OSTC: variants seen among roughly 807,000 people sequenced by gnomAD.
OSTC encodes oligosaccharyltransferase complex subunit OSTC.
In OSTC, 16 loss-of-function variants were observed where a neutral mutation model predicts 16.4. That is an observed-to-expected ratio of 0.98 (90% CI 0.66 to 1.49). The LOEUF (loss-of-function observed/expected upper bound fraction) is 1.49. OSTC is among the 40% of genes most tolerant of loss of function. The pLI is 0.00. For missense variants in OSTC, 139 were observed against 186.3 expected (o/e 0.75, Z 1.48); for synonymous variants, 67 against 68.5 (o/e 0.98, Z 0.11).
chr4:108,654,836 C>T lies in OSTC; in HGVS notation c.140-728C>T, dbSNP rs1024726703. 3.3e-5 allele frequency among the ~76,000 whole-genome samples: 5 copies of T among 152,296 alleles called. No homozygotes were observed. In the South Asian group the frequency reaches 6.2e-4, roughly 19 times the overall value. On this transcript the variant is annotated intron_variant, in intron 1 of 3. Transcript: ENST00000361564. The stretch of plus-strand genomic sequence containing the variant: ...CTAGTATTGCCATTCTGCCTGATGG[C>T]GTGGTTTTAAAATGTCTCCTTGTTT...
chr4:108,663,203 A>G (rs773747200), intron 3 of OSTC: 1 of 455,918 alleles, frequency 2.2e-6, no homozygotes, highest in South Asian at 1.5e-5. Flanking sequence ...TGAATAAACC[A>G]TTACTGTTTT....
chr4:108,664,729 G>T (rs2110388550), intron 3 of OSTC, among the ~76,000 whole-genome samples: 1 of 151,962 alleles, frequency 6.6e-6, no homozygotes, highest in South Asian at 2.1e-4. Context: ...GAGTAGCTGG[G>T]ACTACAGGCA....
chr4:108,654,326 A>G (rs1395776786), intron 1 of OSTC, among the ~76,000 whole-genome samples: 1 of 152,236 alleles, frequency 6.6e-6, no homozygotes. Flanking sequence ...TCAGAAAGCA[A>G]AGATAGAAAT....
At chr4:108,661,429 T>C (rs1726855069) in intron 3 of OSTC, among the ~76,000 whole-genome samples, 1 of 152,296 alleles carries the variant, frequency 6.6e-6, no homozygotes, top group East Asian at 1.9e-4. Flanking sequence ...GTATGTTCAC[T>C]GCATTTTAAA....
chr4:108,663,777 C>G (rs999170640), intron 3 of OSTC, among the ~76,000 whole-genome samples: 14 of 152,144 alleles, frequency 9.2e-5, no homozygotes, highest in Non-Finnish European at 1.8e-4. Flanking sequence ...TCTATTAGTG[C>G]TAACCTAGCA....
chr4:108,664,359 C>T (rs969843390), intron 3 of OSTC, among the ~76,000 whole-genome samples: 3 of 152,064 alleles, frequency 2.0e-5, no homozygotes, highest in African/African-American at 7.2e-5. Context: ...AGAAGTTACT[C>T]CTAATGAGTC....
At chr4:108,654,525 AAAG>A (rs1288459947) in intron 1 of OSTC, among the ~76,000 whole-genome samples, 1 of 152,212 alleles carries the variant, frequency 6.6e-6, no homozygotes, top group African/African-American at 2.4e-5. Flanking sequence ...TTGTAGCTGG[AAAG>A]AAGGAGGTGA....
At chr4:108,662,025 A>G (rs1211310783) in intron 3 of OSTC, among the ~76,000 whole-genome samples, 2 of 152,242 alleles carry the variant, frequency 1.3e-5, no homozygotes, top group African/African-American at 2.4e-5. Flanking sequence ...CAAGTCTGTT[A>G]TAAAGCTGTA....
chr4:108,657,016 G>A (rs1004594342), intron 2 of OSTC, among the ~76,000 whole-genome samples: 3 of 150,934 alleles, frequency 2.0e-5, no homozygotes, highest in East Asian at 1.9e-4. Context: ...GCAGTGAGCC[G>A]AGATCGTGCC....
At chr4:108,656,903 T>A (rs553919493) in intron 2 of OSTC, among the ~76,000 whole-genome samples, 1 of 152,138 alleles carries the variant, frequency 6.6e-6, no homozygotes, top group African/African-American at 2.4e-5. Context: ...ATTGGGACTA[T>A]CCTGGCTAAC....
At chr4:108,661,985 GA>G (rs2110386813) in intron 3 of OSTC, among the ~76,000 whole-genome samples, 1 of 152,310 alleles carries the variant, frequency 6.6e-6, no homozygotes, top group South Asian at 2.1e-4. Flanking sequence ...TGTTCAATTG[GA>G]GATGGAGGGA....
chr4:108,650,882 C>CG, intron 1 of OSTC, 88 bp downstream of exon 1: 11 of 1,577,862 alleles, frequency 7.0e-6, no homozygotes, highest in Non-Finnish European at 9.5e-6. Context: ...CTCTCAGCCC[C>CG]GGGGGAAGCA....
chr4:108,650,601 G>C lies in OSTC; in HGVS notation c.-55G>C. 6.2e-7 allele frequency: 1 copy of C among 1,604,156 alleles called. No individual in the cohort carries two copies. Among genetic ancestry groups the C allele is most frequent in the South Asian group, 1.1e-5 (1 of 90,170 alleles). ...CGCACTTGTTAGGGAGGGCGGGCCT[G>C]TTTCCGGGAGGCGCGTGGGGCTTGA... is the stretch of plus-strand genomic sequence containing the variant. On this transcript the variant is annotated 5_prime_UTR_variant, in exon 1 of 4. Coordinates refer to ENST00000361564, the MANE Select transcript of OSTC (RefSeq NM_021227.4).
chr4:108,658,813 T>C (rs1459388483), intron 3 of OSTC, among the ~76,000 whole-genome samples: 3 of 152,024 alleles, frequency 2.0e-5, no homozygotes, highest in Non-Finnish European at 2.9e-5. Context: ...CCATTGTCTG[T>C]AACACACCTG....
chr4:108,663,435 C>T (rs935945700), intron 3 of OSTC: 21 of 311,096 alleles, frequency 6.8e-5, no homozygotes, highest in Non-Finnish European at 1.1e-4. Context: ...GATCTCCTAA[C>T]CTCGTGATCC....
At chr4:108,667,146 TATATC>T (rs1439378269) in intron 3 of OSTC, 96 bp from the exon 4 acceptor site, 13 of 867,884 alleles carry the variant, frequency 1.5e-5, no homozygotes, top group Admixed American at 1.5e-4. Flanking sequence ...TGTTATTTGA[TATATC>T]ATAAAATTTG....
At chr4:108,657,161 T>C (rs767611955) in intron 2 of OSTC, among the ~76,000 whole-genome samples, 1 of 152,078 alleles carries the variant, frequency 6.6e-6, no homozygotes, top group Non-Finnish European at 1.5e-5. Flanking sequence ...TTAGTTGAGG[T>C]TTTACGACAT....
intron 1 of OSTC, 88 bp downstream of exon 1, chr4:108,650,882 C>G: frequency 1.9e-6 from 3 of 1,577,862 alleles, no homozygotes; most frequent in Non-Finnish European, 2.6e-6. Flanking sequence ...CTCTCAGCCC[C>G]GGGGGAAGCA....
At chr4:108,655,971 T>C (rs1037413178) in intron 2 of OSTC, among the ~76,000 whole-genome samples, 13 of 152,298 alleles carry the variant, frequency 8.5e-5, no homozygotes, top group Non-Finnish European at 1.5e-4. Flanking sequence ...AAAAAAGTTT[T>C]ATTGGAAGTA....
Sources: allele counts gnomAD v4.1 joint callset (sites outside exome capture counted in the v4.1 genomes callset), GRCh38; gene constraint gnomAD v4.1.1; transcripts MANE v1.5; gene names NCBI Gene and HGNC (gene_info 2026-07-23, HGNC 2026-07-21).